Variants in CSMD3 observed in about 807,000 individuals in gnomAD.
CSMD3 encodes the protein CUB and Sushi multiple domains 3.
A neutral mutation model predicts 435.2 loss-of-function variants in CSMD3; 177 were observed. That is an observed-to-expected ratio of 0.41 (90% CI 0.36 to 0.46). The LOEUF (loss-of-function observed/expected upper bound fraction) is 0.46, where lower values mean the gene tolerates loss of function less well. CSMD3 is among the 20% of genes least tolerant of loss of function. The pLI is 0.34. For missense variants in CSMD3, 4,265 were observed against 4,504.6 expected, an observed-to-expected ratio of 0.95 and a Z score of 1.52; for synonymous variants, 1,656 against 1,520.5, an observed-to-expected ratio of 1.09 and a Z score of -2.07.
chr8:113,319,979 C>G (rs1224944979), intron 1 of CSMD3, among the ~76,000 whole-genome samples: 1 of 151,920 alleles, frequency 6.6e-6, no homozygotes, highest in Non-Finnish European at 1.5e-5. Flanking sequence ...ATATTTCATG[C>G]CTTACAGGTA....
chr8:113,064,401 AACATGTTC>A (rs1275469784), intron 5 of CSMD3, among the ~76,000 whole-genome samples: 2 of 152,104 alleles, frequency 1.3e-5, no homozygotes, highest in African/African-American at 2.4e-5. Context: ...TAACTTATTT[AACATGTTC>A]ACAGAGCAAG....
At chr8:112,775,896 T>G (rs1193403668) in intron 13 of CSMD3, among the ~76,000 whole-genome samples, 9 of 151,874 alleles carry the variant, frequency 5.9e-5, no homozygotes, top group Non-Finnish European at 1.3e-4. Context: ...TTTATCTATA[T>G]ATAGAAAGTT....
chr8:113,144,854 G>A (rs867355012), intron 4 of CSMD3, among the ~76,000 whole-genome samples: 5 of 151,540 alleles, frequency 3.3e-5, no homozygotes, highest in Middle Eastern at 6.8e-3. Flanking sequence ...TAGGGGAGAA[G>A]AGAAATAAAC....
At chr8:112,227,506 G>A (rs1221030891) in intron 70 of CSMD3, among the ~76,000 whole-genome samples, 1 of 152,094 alleles carries the variant, frequency 6.6e-6, no homozygotes, top group Non-Finnish European at 1.5e-5. Flanking sequence ...CACTCTGAAT[G>A]TACTAAATGC....
intron 1 of CSMD3, among the ~76,000 whole-genome samples, chr8:113,419,528 G>A (rs1436335684): frequency 6.6e-6 from 1 of 152,026 alleles, no homozygotes; most frequent in Non-Finnish European, 1.5e-5. Flanking sequence ...TTGGTGTTGG[G>A]GGCAGATTTA....
chr8:112,430,380 A>G (rs183261718), intron 32 of CSMD3, among the ~76,000 whole-genome samples: 457 of 152,172 alleles, frequency 3.0e-3, no homozygotes, highest in African/African-American at 0.011. Context: ...ACATGATTAA[A>G]TTCACTCATT....
At chr8:112,830,765 C>CT (rs201169147) in intron 11 of CSMD3, among the ~76,000 whole-genome samples, 2 of 145,244 alleles carry the variant, frequency 1.4e-5, no homozygotes. Context: ...TATATCTTGG[C>CT]TTTTTTTTGT....
chr8:113,106,664 C>T (rs142045515), intron 4 of CSMD3, among the ~76,000 whole-genome samples: 1 of 152,204 alleles, frequency 6.6e-6, no homozygotes, highest in African/African-American at 2.4e-5. Flanking sequence ...AGCTGAGATC[C>T]GAAATTCATG....
At chr8:113,194,323 T>C (rs577803206) in intron 3 of CSMD3, among the ~76,000 whole-genome samples, 16 of 151,392 alleles carry the variant, frequency 1.1e-4, no homozygotes, top group Non-Finnish European at 1.3e-4. Flanking sequence ...GATTGATCAA[T>C]TGATTTGTTT....
intron 2 of CSMD3, among the ~76,000 whole-genome samples, chr8:113,296,492 C>T (rs1310950722): frequency 6.6e-6 from 1 of 151,952 alleles, no homozygotes; most frequent in African/African-American, 2.4e-5. Context: ...CCACTGCACA[C>T]CAGTCCAGGC....
At chr8:113,423,020 A>C (rs2094616500) in intron 1 of CSMD3, among the ~76,000 whole-genome samples, 1 of 152,118 alleles carries the variant, frequency 6.6e-6, no homozygotes, top group Non-Finnish European at 1.5e-5. Flanking sequence ...CTTATGTTTC[A>C]TATACATAAT....
At chr8:112,254,864 C>A (rs1815632063) in intron 62 of CSMD3, among the ~76,000 whole-genome samples, 1 of 151,986 alleles carries the variant, frequency 6.6e-6, no homozygotes, top group African/African-American at 2.4e-5. Context: ...TTTAGGATTA[C>A]AGAAATATAG....
chr8:112,571,758 A>G (rs1264268229), intron 24 of CSMD3, among the ~76,000 whole-genome samples: 1 of 151,914 alleles, frequency 6.6e-6, no homozygotes, highest in Admixed American at 6.6e-5. Context: ...AATCCCAGCT[A>G]CTAGGGAGGC....
intron 5 of CSMD3, among the ~76,000 whole-genome samples, chr8:113,024,613 C>G (rs1470939304): frequency 6.6e-6 from 1 of 152,090 alleles, no homozygotes; most frequent in Admixed American, 6.6e-5. Context: ...TCTTTGCTAA[C>G]ACCTCTTTTG....
intron 7 of CSMD3, among the ~76,000 whole-genome samples, chr8:112,972,632 T>C (rs2084699442): frequency 6.6e-6 from 1 of 151,960 alleles, no homozygotes. Context: ...CTGAAATATG[T>C]AGAGATTTCA....
chr8:113,426,920 T>G (rs1325500271), intron 1 of CSMD3, among the ~76,000 whole-genome samples: 1 of 151,542 alleles, frequency 6.6e-6, no homozygotes, highest in Non-Finnish European at 1.5e-5. Context: ...TACATCTACC[T>G]GTTGTAAGAT....
intron 3 of CSMD3, among the ~76,000 whole-genome samples, chr8:113,237,976 G>C (rs538435789): frequency 1.4e-4 from 21 of 151,436 alleles, no homozygotes; most frequent in African/African-American, 5.1e-4. Flanking sequence ...TGAGGAGGCC[G>C]AGGCAGGAGA....
At position 112,223,890 on chromosome 8, in the gene CSMD3, T is replaced by A. The variant is rs1282963858; in HGVS notation, c.*881A>T. The A allele has an allele frequency of 6.6e-6, 1 of 152,178 alleles. No homozygotes were observed. The highest frequency in any genetic ancestry group is 1.5e-5 in the Non-Finnish European group (1 of 68,008). 9.4% of individuals were successfully genotyped at this position (152,178 alleles called of 1,614,324 possible). ...AGGATGGTAAGTTTGGTGTCTCAGA[T>A]AACTGCAAAATAATAATTTTTCTAG... is the stretch of plus-strand genomic sequence containing the variant. On this transcript the variant is annotated 3_prime_UTR_variant, in exon 71 of 71. Transcript: ENST00000297405.
At chr8:112,615,483 G>GT (rs1192602992) in intron 22 of CSMD3, among the ~76,000 whole-genome samples, 1 of 151,978 alleles carries the variant, frequency 6.6e-6, no homozygotes, top group Non-Finnish European at 1.5e-5. Context: ...AGATAGCACA[G>GT]TAATTGGTAC....
Sources: allele counts gnomAD v4.1 joint callset (sites outside exome capture counted in the v4.1 genomes callset), GRCh38; gene constraint gnomAD v4.1.1; transcripts MANE v1.5; gene names NCBI Gene and HGNC (gene_info 2026-07-23, HGNC 2026-07-21).